Variants in MNDA observed in about 807,000 individuals in gnomAD.
The protein encoded by MNDA is epididymis secretory sperm binding protein.
Under a neutral mutation model 37.8 loss-of-function variants are expected in MNDA, and 43 were observed. That is an observed-to-expected ratio of 1.14 (90% confidence interval 0.89 to 1.47). The LOEUF (loss-of-function observed/expected upper bound fraction) is 1.47, where lower values mean the gene tolerates loss of function less well. Ranked by LOEUF, MNDA falls within the 40% of genes most tolerant of loss-of-function variation. The pLI is 0.00. For missense variants in MNDA, 536 were observed against 476.0 expected (o/e 1.13, Z -1.17); for synonymous variants, 181 against 169.0 (o/e 1.07, Z -0.55).
intron 1 of MNDA, among the ~76,000 whole-genome samples, chr1:158,840,053 A>AT (rs975761620): frequency 6.6e-6 from 1 of 152,082 alleles, no homozygotes; most frequent in Non-Finnish European, 1.5e-5. Context: ...TTTTTAATTC[A>AT]TTTTTTTAGG....
chr1:158,844,539 C>CA (rs1271785483), intron 4 of MNDA, among the ~76,000 whole-genome samples: 2 of 150,036 alleles, frequency 1.3e-5, no homozygotes, highest in African/African-American at 4.9e-5. Flanking sequence ...CAAACTTGTC[C>CA]TTTTTCCATT....
In MNDA at chr1:158,845,941, A is replaced by G. The variant is rs772154397; in HGVS notation, c.925A>G (p.Ile309Val). Residue 309 changes from isoleucine to valine, a missense_variant, in exon 5 of 7, where the codon ATC becomes GTC. Ile to Val is a conservative substitution (Grantham distance 29, BLOSUM62 3). Transcript: ENST00000368141. Reference protein sequence around the residue: ...IIEIANKTPKISQLYKQASGT... With the variant: ...IIEIANKTPKVSQLYKQASGT... ...CGAAATAGCAAATAAAACTCCCAAG[A>G]TCAGTCAACTTTACAAGCAAGCATC... The G allele has an allele frequency of 3.1e-6, 5 of 1,614,116 alleles. No homozygotes were observed. The highest frequency in any genetic ancestry group is 4.2e-6 in the Non-Finnish European group (5 of 1,179,992).
intron 2 of MNDA, among the ~76,000 whole-genome samples, chr1:158,842,927 A>C (rs901953141): frequency 3.9e-5 from 6 of 152,176 alleles, no homozygotes; most frequent in Non-Finnish European, 7.3e-5. Flanking sequence ...ATTGCACAGA[A>C]CATGACCAGC....
At chr1:158,834,889 A>G (rs1658877037) in intron 1 of MNDA, among the ~76,000 whole-genome samples, 3 of 152,202 alleles carry the variant, frequency 2.0e-5, no homozygotes, top group Admixed American at 2.0e-4. Context: ...TTCTCATTAA[A>G]CAGCCTTGAC....
chr1:158,840,112 G>A lies in MNDA; in HGVS notation c.-20-2022G>A, dbSNP rs138676677. Among the ~76,000 whole-genome samples, 14 of 152,260 alleles carry A rather than the reference G, an allele frequency of 9.2e-5. No individual in the cohort carries two copies. The East Asian group carries it at 2.5e-3, about 27-fold the overall frequency. On this transcript the variant is annotated intron_variant, in intron 1 of 6. Transcript: ENST00000368141. The stretch of plus-strand genomic sequence containing the variant: ...AATGCATACATTGTATGTAGGCACT[G>A]CAAGTGTCCCAGTAGAGGTAATATC...
chr1:158,837,331 G>C (rs1337132196), intron 1 of MNDA, among the ~76,000 whole-genome samples: 2 of 151,704 alleles, frequency 1.3e-5, no homozygotes, highest in Non-Finnish European at 3.0e-5. Flanking sequence ...TATTACCTTA[G>C]AGTTGTCTAT....
intron 1 of MNDA, among the ~76,000 whole-genome samples, chr1:158,837,963 C>T (rs2102046715): frequency 6.6e-6 from 1 of 151,920 alleles, no homozygotes; most frequent in Middle Eastern, 3.4e-3. Context: ...AACTTAACTT[C>T]AATCATATGC....
chr1:158,843,479 C>T (rs530658755), intron 3 of MNDA, 64 bp downstream of exon 3: 3 of 1,453,056 alleles, frequency 2.1e-6, no homozygotes, highest in Non-Finnish European at 2.7e-6. Context: ...TGGCACGTGG[C>T]TCTTTACTAA....
At chr1:158,842,073 T>C in intron 1 of MNDA, 61 bp from the exon 2 acceptor site, 2 of 1,443,208 alleles carry the variant, frequency 1.4e-6, no homozygotes, top group South Asian at 2.8e-5. Flanking sequence ...CAAAAGCATA[T>C]CTCATTTTTT....
Position 158,845,900 on chromosome 1 carries a change from T to G in MNDA, c.884T>G (p.Val295Gly). 1 of 1,614,106 alleles carries G rather than the reference T, an allele frequency of 6.2e-7. No homozygotes were observed. ...SVSDFNQNFE[V>G]PNRIIEIANK... Reference sequence around the variant, plus strand: ...TCTGACTTTAATCAAAATTTTGAGGTCCCAAACAGAATTATCGAAATAGCA... The same window carrying G: ...TCTGACTTTAATCAAAATTTTGAGGGCCCAAACAGAATTATCGAAATAGCA... Residue 295 changes from valine to glycine, a missense_variant, in exon 5 of 7, where the codon GTC becomes GGC. Physicochemically the swap from Val to Gly is moderately radical, Grantham distance 109. Transcript: ENST00000368141.
At position 158,843,365 on chromosome 1, in the gene MNDA, G is replaced by A. The variant is rs559502950; in HGVS notation, c.352G>A (p.Ala118Thr). ...EVGLAAPAPT[A>T]RNKLTSEARG... is the part of the protein sequence containing the mutation. ...GGGTCTTGCGGCACCTGCACCCACC[G>A]CAAGAAACAAACTGACATCGGAAGC... Residue 118 changes from alanine to threonine, a missense_variant, in exon 3 of 7, where the codon GCA (alanine) becomes ACA (threonine). Ala to Thr is a moderately conservative substitution (Grantham distance 58). Transcript: ENST00000368141. 44 of 1,612,050 alleles carry A rather than the reference G, an allele frequency of 2.7e-5. No homozygotes were observed. The highest frequency in any genetic ancestry group is 1.2e-4 in the African/African-American group (9 of 74,856).
intron 6 of MNDA, among the ~76,000 whole-genome samples, chr1:158,848,173 C>T (rs1659178431): frequency 6.6e-6 from 1 of 152,104 alleles, no homozygotes; most frequent in South Asian, 2.1e-4. Context: ...ACATAGGGCT[C>T]AAGAGCAAGG....
At chr1:158,843,481 C>A (rs1346046844) in intron 3 of MNDA, 66 bp downstream of exon 3, 3 of 1,445,522 alleles carry the variant, frequency 2.1e-6, no homozygotes, top group Non-Finnish European at 2.8e-6. Flanking sequence ...GCACGTGGCT[C>A]TTTACTAATA....
chr1:158,839,272 CT>C (rs1658984290), intron 1 of MNDA, among the ~76,000 whole-genome samples: 1 of 152,080 alleles, frequency 6.6e-6, no homozygotes, highest in Admixed American at 6.6e-5. Flanking sequence ...TCTCTGAGGC[CT>C]ATATGGACGT....
chr1:158,845,885 A>G lies in MNDA; in HGVS notation c.869A>G (p.Asn290Ser). The part of the protein sequence containing the change: ...IKEASSVSDF[N>S]QNFEVPNRII... ...GAAGCATCATCTGTGTCTGACTTTA[A>G]TCAAAATTTTGAGGTCCCAAACAGA... The change falls in exon 5 of 7, where the codon AAT (asparagine) becomes AGT (serine). Residue 290 changes from asparagine (N) to serine (S), a missense_variant. Coordinates refer to ENST00000368141, the MANE Select transcript of MNDA (RefSeq NM_002432.3). 1 of 1,614,184 alleles carries G rather than the reference A, an allele frequency of 6.2e-7. No individual in the cohort carries two copies. Among genetic ancestry groups the G allele is most frequent in the Non-Finnish European group, 8.5e-7 (1 of 1,179,998 alleles).
At chr1:158,833,417 C>T (rs1658842733) in intron 1 of MNDA, among the ~76,000 whole-genome samples, 1 of 152,172 alleles carries the variant, frequency 6.6e-6, no homozygotes. Context: ...TGTTGTGCAA[C>T]CAACCTCCAG....
intron 1 of MNDA, among the ~76,000 whole-genome samples, chr1:158,833,018 T>G (rs1227567040): frequency 6.6e-6 from 1 of 152,140 alleles, no homozygotes; most frequent in Non-Finnish European, 1.5e-5. Context: ...ATCTATATTC[T>G]CCTTAAAGAC....
chr1:158,843,895 A>C, intron 3 of MNDA, 60 bp from the exon 4 acceptor site: 3 of 1,450,396 alleles, frequency 2.1e-6, no homozygotes, highest in Middle Eastern at 1.8e-4. Flanking sequence ...AAAAAATGAA[A>C]ACTTGCTCTG....
At chr1:158,834,997 C>G (rs1403006261) in intron 1 of MNDA, among the ~76,000 whole-genome samples, 1 of 152,048 alleles carries the variant, frequency 6.6e-6, no homozygotes, top group Admixed American at 6.6e-5. Flanking sequence ...ATGCCAATAC[C>G]ACACTGTTTT....
Sources: gnomAD v4.1 joint callset for allele counts (sites outside exome capture counted in the v4.1 genomes callset) on GRCh38, gnomAD v4.1.1 for gene constraint, MANE v1.5 for transcripts, NCBI Gene and HGNC (gene_info 2026-07-23, HGNC 2026-07-21) for gene names.